Variants in JAKMIP2 observed in about 807,000 individuals in gnomAD.
The protein encoded by JAKMIP2 is janus kinase and microtubule interacting protein 2.
Under a neutral mutation model 115.0 loss-of-function variants are expected in JAKMIP2, and 25 were observed. That is an observed-to-expected ratio of 0.22 (90% CI 0.16 to 0.30). The LOEUF is 0.30. Among genes scored for constraint, JAKMIP2 ranks in the 10% least tolerant of loss-of-function variants. JAKMIP2 has a pLI of 1.00. For synonymous variants in JAKMIP2, 334 were observed against 343.6 expected, an observed-to-expected ratio of 0.97 and a Z score of 0.31; for missense variants, 642 against 957.6, an observed-to-expected ratio of 0.67 and a Z score of 4.35.
intron 21 of JAKMIP2, chr5:147,595,544 A>G: frequency 4.4e-6 from 2 of 454,924 alleles, no homozygotes; most frequent in South Asian, 1.5e-5. Flanking sequence ...CAGAGTGGTG[A>G]GCAATACATT....
intron 1 of JAKMIP2, among the ~76,000 whole-genome samples, chr5:147,694,429 C>T (rs1035570498): frequency 1.4e-4 from 22 of 152,074 alleles, no homozygotes; most frequent in Admixed American, 7.9e-4. Flanking sequence ...GTCATTACCC[C>T]GGGTCAGGAC....
rs137886367 is a variant in JAKMIP2, at chr5:147,667,577, CCTGGAGG to C, written c.129+4094_129+4100del. Among the ~76,000 whole-genome samples the C allele has an allele frequency of 7.8e-3, 1,190 of 152,216 alleles. 25 individuals are homozygous for C. Among genetic ancestry groups the C allele is most frequent in the African/African-American group, 0.026 (1,095 of 41,534 alleles). On this transcript the variant is annotated intron_variant, in intron 2 of 21. Coordinates refer to ENST00000616793, the MANE Select transcript of JAKMIP2 (RefSeq NM_001270941.2). ...GCCTGGATTATCTGCATTGGATGTT[CCTGGAGG>C]AACACAGTAAACTGGCAGGGATTTT...
At chr5:147,777,023 T>C (rs1192740686) in intron 1 of JAKMIP2, among the ~76,000 whole-genome samples, 1 of 152,130 alleles carries the variant, frequency 6.6e-6, no homozygotes, top group Non-Finnish European at 1.5e-5. Flanking sequence ...CTGAAACAGA[T>C]GTGTTTTTGT....
chr5:147,695,636 C>T (rs142768821), intron 1 of JAKMIP2, among the ~76,000 whole-genome samples: 17 of 148,220 alleles, frequency 1.1e-4, no homozygotes, highest in African/African-American at 3.0e-4. Flanking sequence ...TCTATTGTTA[C>T]GGAAGTGAAA....
At chr5:147,623,003 C>T (rs1756921527) in intron 17 of JAKMIP2, among the ~76,000 whole-genome samples, 1 of 152,134 alleles carries the variant, frequency 6.6e-6, no homozygotes, top group Non-Finnish European at 1.5e-5. Context: ...TCACTGTAGC[C>T]TCCACCTCCT....
intron 18 of JAKMIP2, among the ~76,000 whole-genome samples, chr5:147,618,552 TG>T (rs1756697106): frequency 6.6e-6 from 1 of 152,038 alleles, no homozygotes; most frequent in African/African-American, 2.4e-5. Flanking sequence ...GCCTGGCCAA[TG>T]TGGTGAAACC....
At chr5:147,619,177 G>A (rs1366444465) in intron 18 of JAKMIP2, among the ~76,000 whole-genome samples, 1 of 152,096 alleles carries the variant, frequency 6.6e-6, no homozygotes, top group Non-Finnish European at 1.5e-5. Flanking sequence ...ATGCTTTGGT[G>A]AGAAATATTT....
At chr5:147,762,944 T>TC (rs1754982205) in intron 1 of JAKMIP2, among the ~76,000 whole-genome samples, 2 of 152,278 alleles carry the variant, frequency 1.3e-5, no homozygotes, top group African/African-American at 4.8e-5. Context: ...GAAAGTTTTT[T>TC]CCCTTTAAAC....
At chr5:147,744,304 T>C (rs1754271882) in intron 1 of JAKMIP2, among the ~76,000 whole-genome samples, 1 of 152,132 alleles carries the variant, frequency 6.6e-6, no homozygotes, top group South Asian at 2.1e-4. Flanking sequence ...GCACTATGTC[T>C]ATAAGAAGCC....
At chr5:147,781,432 T>C (rs183324198) in intron 1 of JAKMIP2, among the ~76,000 whole-genome samples, 196 of 152,316 alleles carry the variant, frequency 1.3e-3, no homozygotes, top group Admixed American at 2.4e-3. Flanking sequence ...GGGTGGCATT[T>C]CAAGAAAACT....
chr5:147,596,934 C>T (rs1254036577), intron 21 of JAKMIP2, among the ~76,000 whole-genome samples: 4 of 152,022 alleles, frequency 2.6e-5, no homozygotes, highest in Non-Finnish European at 4.4e-5. Context: ...TGTAGTGGTA[C>T]AATCTTGGCT....
At chr5:147,704,250 T>C (rs1423732265) in intron 1 of JAKMIP2, among the ~76,000 whole-genome samples, 1 of 152,200 alleles carries the variant, frequency 6.6e-6, no homozygotes, top group Non-Finnish European at 1.5e-5. Context: ...TGCATCATTA[T>C]ATGTGATATA....
intron 2 of JAKMIP2, among the ~76,000 whole-genome samples, chr5:147,663,678 A>AT (rs959463206): frequency 6.6e-6 from 1 of 152,188 alleles, no homozygotes; most frequent in Non-Finnish European, 1.5e-5. Flanking sequence ...CTAGAACAGT[A>AT]TTTTCTAAGT....
chr5:147,755,204 C>T (rs2127032245), intron 1 of JAKMIP2, among the ~76,000 whole-genome samples: 1 of 152,222 alleles, frequency 6.6e-6, no homozygotes, highest in South Asian at 2.1e-4. Context: ...ACAATCCAGA[C>T]AAAAGACAAC....
At chr5:147,727,396 A>G (rs1753560509) in intron 1 of JAKMIP2, among the ~76,000 whole-genome samples, 1 of 152,246 alleles carries the variant, frequency 6.6e-6, no homozygotes, top group Non-Finnish European at 1.5e-5. Flanking sequence ...TAAAGGAAAG[A>G]GCTTTAATTG....
At chr5:147,778,115 A>C (rs1652716322) in intron 1 of JAKMIP2, among the ~76,000 whole-genome samples, 2 of 152,040 alleles carry the variant, frequency 1.3e-5, no homozygotes, top group African/African-American at 4.8e-5. Flanking sequence ...AAAAATGGTC[A>C]CCTCCCAACC....
intron 1 of JAKMIP2, among the ~76,000 whole-genome samples, chr5:147,751,794 T>A (rs1754570779): frequency 6.6e-6 from 1 of 152,080 alleles, no homozygotes; most frequent in Non-Finnish European, 1.5e-5. Context: ...GAGGGTGGCA[T>A]AAAGGTGTGG....
chr5:147,641,583 C>T, intron 8 of JAKMIP2, 125 bp downstream of exon 8: 1 of 627,284 alleles, frequency 1.6e-6, no homozygotes. Context: ...GCAAATAATG[C>T]CCATGGTTTG....
At chr5:147,592,322 T>C (rs988344888) in intron 21 of JAKMIP2, among the ~76,000 whole-genome samples, 2 of 152,148 alleles carry the variant, frequency 1.3e-5, no homozygotes, top group African/African-American at 4.8e-5. Context: ...CCAACAAAAT[T>C]GTAACCATTG....
Sources: allele counts gnomAD v4.1 joint callset (sites outside exome capture counted in the v4.1 genomes callset), GRCh38; gene constraint gnomAD v4.1.1; transcripts MANE v1.5; gene names NCBI Gene and HGNC (gene_info 2026-07-23, HGNC 2026-07-21).